Variants in ZNF362 observed in about 807,000 individuals in gnomAD.
The protein encoded by ZNF362 is rotund homolog.
In ZNF362, 11 loss-of-function variants were observed where a neutral mutation model predicts 42.9. That is an observed-to-expected ratio of 0.26 (90% CI 0.16 to 0.42). The LOEUF is 0.42. ZNF362 is among the 20% of genes least tolerant of loss of function. The probability of loss-of-function intolerance (pLI) is 1.00; values close to 1 mark genes in which losing one functional copy is unlikely to be tolerated. For synonymous variants in ZNF362, 255 were observed against 257.3 expected (o/e 0.99, Z 0.09); for missense variants, 362 against 576.2 (o/e 0.63, Z 3.81).
At chr1:33,203,580 A>G in the ZNF362 span, among the ~76,000 whole-genome samples, 1 of 152,180 alleles carries the variant, frequency 6.6e-6, no homozygotes, top group Non-Finnish European at 1.5e-5. Context: ...ACCGATCTAC[A>G]TTCCCACCAA....
At chr1:33,172,807 G>A in the ZNF362 span, among the ~76,000 whole-genome samples, 1 of 152,308 alleles carries the variant, frequency 6.6e-6, no homozygotes, top group South Asian at 2.1e-4. Flanking sequence ...GGACAAAGCA[G>A]CTGTGGAAAG....
At chr1:33,190,616 T>C in the ZNF362 span, among the ~76,000 whole-genome samples, 8 of 152,220 alleles carry the variant, frequency 5.3e-5, no homozygotes, top group African/African-American at 1.7e-4. Context: ...AACTTTTGAC[T>C]CCTTTCTCCA....
At chr1:33,256,128 C>CGGCGCGGCGCGGGCGGGG (rs1203869188), upstream of ZNF362, among the ~76,000 whole-genome samples, 1 of 150,556 alleles carries the variant, frequency 6.6e-6, no homozygotes, top group Non-Finnish European at 1.5e-5. Context: ...GCTCTGCCTC[C>CGGCGCGGCGCGGGCGGGG]GGCGCGGCGC....
chr1:33,281,436 GTCCCCTGTCT>G lies in ZNF362; in HGVS notation c.684-149_684-140del, dbSNP rs1645993489. ...TTAAGGGTGCCCAGGCTGGGAGACT[GTCCCCTGTCT>G]TTCCCAGGTGGTCCTGTGCTTCTTG... On this transcript the variant is annotated intron_variant, in intron 5 of 8. Coordinates refer to ENST00000539719, the MANE Select transcript of ZNF362 (RefSeq NM_152493.3). This position sits in a 1 kb window ranked among gnomAD's most constrained non-coding sequence, Gnocchi z 4.8. The G allele has an allele frequency of 8.4e-6, 6 of 710,402 alleles. No homozygotes were observed. The highest frequency in any genetic ancestry group is 1.8e-5 in the African/African-American group (1 of 56,358). The allele number at this position is 710,402 out of a possible 1,614,324, so 44.0% of individuals were successfully genotyped here. A position where few individuals can be genotyped will look rare whatever the true frequency, so the allele number is the denominator to read the frequency against.
At chr1:33,203,704 C>T in the ZNF362 span, among the ~76,000 whole-genome samples, 56 of 152,286 alleles carry the variant, frequency 3.7e-4, 1 homozygote, top group East Asian at 5.6e-3. Context: ...TTTTGATTCG[C>T]ATTTCCCTGA....
At chr1:33,258,879 A>G (rs918851297) in intron 1 of ZNF362, among the ~76,000 whole-genome samples, 2 of 152,108 alleles carry the variant, frequency 1.3e-5, no homozygotes, top group Non-Finnish European at 2.9e-5. Context: ...GGAAACCAAG[A>G]CTCAGAGAGG....
chr1:33,244,820 G>A, the ZNF362 span, among the ~76,000 whole-genome samples: 1 of 152,180 alleles, frequency 6.6e-6, no homozygotes, highest in African/African-American at 2.4e-5. The surrounding 1 kb of genome is among the most constrained non-coding windows in gnomAD (Gnocchi z 4.0). Flanking sequence ...GCTTGGAGGA[G>A]GTACACAGTA....
chr1:33,253,922 T>G (rs80328708), upstream of ZNF362, among the ~76,000 whole-genome samples: 1,779 of 152,288 alleles, frequency 0.012, 34 homozygotes, highest in African/African-American at 0.04. Context: ...TTTTTAGATT[T>G]ATAGAAAAAT....
the ZNF362 span, among the ~76,000 whole-genome samples, chr1:33,153,197 C>T: frequency 1.3e-5 from 2 of 152,156 alleles, no homozygotes; most frequent in African/African-American, 4.8e-5. Flanking sequence ...GCACCCCTCC[C>T]ATCTGGACAT....
chr1:33,168,338 C>A, the ZNF362 span, among the ~76,000 whole-genome samples: 1 of 152,198 alleles, frequency 6.6e-6, no homozygotes, highest in African/African-American at 2.4e-5. Flanking sequence ...GGCTGCCACA[C>A]CATCGGTTTA....
intron 6 of ZNF362, among the ~76,000 whole-genome samples, chr1:33,290,089 G>GT (rs981734789): frequency 9.9e-4 from 150 of 151,604 alleles, no homozygotes; most frequent in East Asian, 4.6e-3. Context: ...GGCTGGGTGG[G>GT]TTTTTTTTTA....
At chr1:33,198,638 G>T in the ZNF362 span, among the ~76,000 whole-genome samples, 11 of 151,970 alleles carry the variant, frequency 7.2e-5, no homozygotes, top group Non-Finnish European at 1.5e-4. Flanking sequence ...CTATACTCCA[G>T]CCTGGGCAAC....
the ZNF362 span, among the ~76,000 whole-genome samples, chr1:33,234,873 G>T: frequency 6.6e-6 from 1 of 152,190 alleles, no homozygotes; most frequent in East Asian, 1.9e-4. Context: ...TGGTTTCCCA[G>T]AGGAGGCCTC....
the ZNF362 span, among the ~76,000 whole-genome samples, chr1:33,202,576 T>C: frequency 7.1e-6 from 1 of 141,640 alleles, no homozygotes; most frequent in Non-Finnish European, 1.5e-5. Flanking sequence ...CCAGCCTGGG[T>C]GACAGAGCGA....
In ZNF362 at chr1:33,294,469, AT is replaced by A. The variant is rs1255105796; in HGVS notation, c.909-467del. The stretch of plus-strand genomic sequence containing the variant: ...CAGCTGTCACGGAGATGTGCCTGAC[AT>A]GGGGTAGGGACAGGAAATAAGTGTC... On this transcript the variant is annotated intron_variant, in intron 6 of 8. Coordinates refer to ENST00000539719, the MANE Select transcript of ZNF362 (RefSeq NM_152493.3). This position sits in a 1 kb window ranked among gnomAD's most constrained non-coding sequence, Gnocchi z 4.2. Among the ~76,000 whole-genome samples, 10 of 152,172 alleles carry A rather than the reference AT, an allele frequency of 6.6e-5. No individual in the cohort carries two copies. The highest frequency in any genetic ancestry group is 2.4e-4 in the African/African-American group (10 of 41,446).
At chr1:33,202,553 G>T in the ZNF362 span, among the ~76,000 whole-genome samples, 1 of 150,704 alleles carries the variant, frequency 6.6e-6, no homozygotes, top group African/African-American at 2.4e-5. Context: ...AGCCGAGATT[G>T]CGCCACTGCA....
chr1:33,246,626 C>T, the ZNF362 span, among the ~76,000 whole-genome samples: 1 of 152,222 alleles, frequency 6.6e-6, no homozygotes, highest in African/African-American at 2.4e-5. Flanking sequence ...AGGGAAGCCT[C>T]TGCTATTTCT....
At chr1:33,136,275 TTCTCTCTTCCTTTCC>T in the ZNF362 span, among the ~76,000 whole-genome samples, 1 of 151,268 alleles carries the variant, frequency 6.6e-6, no homozygotes, top group East Asian at 1.9e-4. Context: ...CTCTCTTTCT[TTCTCTCTTCCTTTCC>T]TTTCTTTCTT....
At chr1:33,170,415 C>T in the ZNF362 span, among the ~76,000 whole-genome samples, 1 of 152,006 alleles carries the variant, frequency 6.6e-6, no homozygotes, top group East Asian at 1.9e-4. Flanking sequence ...CAAAAATCTC[C>T]CCCACTAGAT....
Sources: gnomAD v4.1 joint callset for allele counts (sites outside exome capture counted in the v4.1 genomes callset) on GRCh38, gnomAD v4.1.1 for gene constraint, Gnocchi (gnomAD v3.1) non-coding constraint, MANE v1.5 for transcripts, NCBI Gene and HGNC (gene_info 2026-07-23, HGNC 2026-07-21) for gene names.